Variants in SCN8A observed in about 807,000 individuals in gnomAD.
The protein encoded by SCN8A is sodium channel protein type 8 subunit alpha.
A neutral mutation model predicts 184.1 loss-of-function variants in SCN8A; 30 were observed. The observed-to-expected ratio is 0.16, with a 90% CI of 0.12 to 0.22. The LOEUF is 0.22. Among genes scored for constraint, SCN8A ranks in the 10% least tolerant of loss-of-function variants. The probability of loss-of-function intolerance (pLI) is 1.00; values close to 1 mark genes in which losing one functional copy is unlikely to be tolerated. For missense variants in SCN8A, 1,057 were observed against 2,498.9 expected, an observed-to-expected ratio of 0.42 and a Z score of 12.30; for synonymous variants, 852 against 907.0, an observed-to-expected ratio of 0.94 and a Z score of 1.09.
At position 51,812,542 on chromosome 12, in the gene SCN8A, G is replaced by C. The variant is rs1410026946; in HGVS notation, c.*5113G>C. ...GGTACCATAAATGCTGCTATTCTGAGAGCCATTTTAAACTGCACTGCTCCA... is the reference window on the plus strand; with the variant it reads ...GGTACCATAAATGCTGCTATTCTGACAGCCATTTTAAACTGCACTGCTCCA... On this transcript the variant is annotated 3_prime_UTR_variant, in exon 27 of 27. Transcript: ENST00000627620. 1 of 152,196 alleles carries C rather than the reference G, an allele frequency of 6.6e-6. No homozygotes were observed. Among genetic ancestry groups the C allele is most frequent in the African/African-American group, 2.4e-5 (1 of 41,432 alleles). The allele number at this position is 152,196 out of a possible 1,614,324, so 9.4% of individuals were successfully genotyped here.
chr12:51,758,113 G>A (rs1239828066), intron 14 of SCN8A, among the ~76,000 whole-genome samples: 1 of 152,180 alleles, frequency 6.6e-6, no homozygotes, highest in Non-Finnish European at 1.5e-5. Context: ...GCTGTGAATA[G>A]CCATTGCTTT....
At chr12:51,645,028 G>T (rs1054087231) in intron 1 of SCN8A, among the ~76,000 whole-genome samples, 1 of 149,162 alleles carries the variant, frequency 6.7e-6, no homozygotes, top group African/African-American at 2.4e-5. Flanking sequence ...GGAGGGAGGT[G>T]GGGGGGTCAG....
chr12:51,668,957 C>T (rs1014785936), intron 2 of SCN8A, among the ~76,000 whole-genome samples: 1 of 152,142 alleles, frequency 6.6e-6, no homozygotes, highest in East Asian at 1.9e-4. Context: ...CAAATCTAGA[C>T]GATGTAGCCT....
At chr12:51,690,561 T>TG (rs1941490105) in intron 6 of SCN8A, among the ~76,000 whole-genome samples, 1 of 152,070 alleles carries the variant, frequency 6.6e-6, no homozygotes, top group South Asian at 2.1e-4. Flanking sequence ...GGTCTCCCTA[T>TG]GTGTTGCCCA....
chr12:51,770,333 C>G, intron 18 of SCN8A, 196 bp from the exon 19 acceptor site: 1 of 630,032 alleles, frequency 1.6e-6, no homozygotes, highest in Non-Finnish European at 2.7e-6. Flanking sequence ...TCCTGAGGGC[C>G]TTGCCCCATT....
intron 20 of SCN8A, among the ~76,000 whole-genome samples, chr12:51,775,286 T>C (rs1592155490): frequency 6.6e-6 from 1 of 152,216 alleles, no homozygotes; most frequent in East Asian, 1.9e-4. Flanking sequence ...GGCTGCATGG[T>C]GAACTACCTG....
chr12:51,790,222 C>T (rs1267577164), intron 24 of SCN8A, among the ~76,000 whole-genome samples, 176 bp from the exon 25 acceptor site: 1 of 152,144 alleles, frequency 6.6e-6, no homozygotes, highest in Non-Finnish European at 1.5e-5. Context: ...AAAACAAAGG[C>T]AGGTATCTCT....
At chr12:51,761,466 TTA>T (rs1243972269) in intron 14 of SCN8A, among the ~76,000 whole-genome samples, 2 of 141,962 alleles carry the variant, frequency 1.4e-5, no homozygotes, top group African/African-American at 5.9e-5. Flanking sequence ...TATTTATTTA[TTA>T]TTATTTATTT....
At chr12:51,791,808 G>A (rs1938261522) in intron 25 of SCN8A, among the ~76,000 whole-genome samples, 1 of 152,156 alleles carries the variant, frequency 6.6e-6, no homozygotes, top group Non-Finnish European at 1.5e-5. Context: ...GAGCTTGGAG[G>A]CCAAGACTGC....
chr12:51,788,194 G>A (rs1277118612), intron 22 of SCN8A, among the ~76,000 whole-genome samples: 1 of 151,698 alleles, frequency 6.6e-6, no homozygotes, highest in East Asian at 1.9e-4. Flanking sequence ...CTACTACATA[G>A]GCTATACATG....
At chr12:51,750,419 G>A (rs1274570183) in intron 13 of SCN8A, among the ~76,000 whole-genome samples, 1 of 152,172 alleles carries the variant, frequency 6.6e-6, no homozygotes, top group Non-Finnish European at 1.5e-5. Flanking sequence ...AAAAGCAAAG[G>A]ATGAGAGCAG....
At chr12:51,712,627 A>C in intron 11 of SCN8A, 2 of 779,300 alleles carry the variant, frequency 2.6e-6, no homozygotes, top group East Asian at 2.4e-5. Flanking sequence ...TCCCACCACC[A>C]CCATAGTTAC....
intron 1 of SCN8A, among the ~76,000 whole-genome samples, chr12:51,653,311 T>C (rs1176966587): frequency 6.6e-6 from 1 of 152,198 alleles, no homozygotes; most frequent in African/African-American, 2.4e-5. Flanking sequence ...ACTGAAACTC[T>C]GTACCAACTA....
At chr12:51,660,402 G>A (rs995457653) in intron 1 of SCN8A, among the ~76,000 whole-genome samples, 35 of 152,206 alleles carry the variant, frequency 2.3e-4, no homozygotes, top group African/African-American at 7.5e-4. Flanking sequence ...AGTGTTCTTT[G>A]TCCTCTGCGT....
intron 13 of SCN8A, among the ~76,000 whole-genome samples, chr12:51,750,375 G>A (rs939306782): frequency 3.2e-4 from 48 of 152,146 alleles, no homozygotes; most frequent in African/African-American, 1.1e-3. Flanking sequence ...ATGACCCAGG[G>A]AGGGAAGGAG....
At chr12:51,750,605 G>C (rs961137623) in intron 13 of SCN8A, among the ~76,000 whole-genome samples, 1 of 152,148 alleles carries the variant, frequency 6.6e-6, no homozygotes, top group African/African-American at 2.4e-5. Flanking sequence ...TGTTTTACAT[G>C]GTGGCTTGGT....
At chr12:51,654,124 T>C (rs1271467425) in intron 1 of SCN8A, among the ~76,000 whole-genome samples, 1 of 152,192 alleles carries the variant, frequency 6.6e-6, no homozygotes, top group Non-Finnish European at 1.5e-5. Flanking sequence ...GCAAATATTT[T>C]CTCTCATTCT....
rs1942245068 is a variant in SCN8A at position 51,731,682 on chromosome 12, C to G, written c.1998+9774C>G. ...TAGTGGTTGTACTAATTTACATTCC[C>G]ACCAAGAGTGTACAAGAATTCCCTT... is the stretch of plus-strand genomic sequence containing the variant. On this transcript the variant is annotated intron_variant, in intron 12 of 26. Transcript: ENST00000627620. Among the ~76,000 whole-genome samples the G allele has an allele frequency of 2.0e-5, 3 of 152,228 alleles. No individual in the cohort carries two copies. The South Asian group carries it at 6.2e-4, about 32-fold the overall frequency.
chr12:51,642,171 C>T (rs1023745820), intron 1 of SCN8A, among the ~76,000 whole-genome samples: 1 of 152,094 alleles, frequency 6.6e-6, no homozygotes, highest in East Asian at 1.9e-4. Flanking sequence ...CTCTTCCTAC[C>T]TATTGTTCTT....
Sources: allele counts gnomAD v4.1 joint callset (sites outside exome capture counted in the v4.1 genomes callset), GRCh38; gene constraint gnomAD v4.1.1; transcripts MANE v1.5; gene names NCBI Gene and HGNC (gene_info 2026-07-23, HGNC 2026-07-21).